Variants in ELOA2 observed in about 807,000 individuals in gnomAD.
ELOA2 encodes the protein elongin-A2.
For synonymous variants in ELOA2, 497 were observed against 398.8 expected (o/e 1.25, Z -2.94); for missense variants, 1,271 against 979.7 (o/e 1.30, Z -3.97).
At position 47,033,572 on chromosome 18, in the gene ELOA2, C is replaced by A. The variant is rs536656582; in HGVS notation, c.1693G>T (p.Asp565Tyr). ...TCTTTCTTTCTGCGATACAGCTGAT[C>A]GGGCCTCCACCCTTCCAGAACAGGT... ...LEPVLEGWRP[D>Y]QLYRRKKDNH... is the part of the protein sequence containing the mutation. Residue 565 changes from aspartate to tyrosine, a missense_variant, in exon 1 of 1, where the codon GAT becomes TAT. Asp to Tyr is a radical substitution (Grantham distance 160, BLOSUM62 -3). Coordinates refer to ENST00000332567, the MANE Select transcript of ELOA2 (RefSeq NM_016427.3). 6.2e-6 allele frequency: 10 copies of A among 1,614,198 alleles called. No individual in the cohort carries two copies. The South Asian group carries it at 7.7e-5, about 12-fold the overall frequency.
chr18:47,035,096 G>T lies in ELOA2; in HGVS notation c.169C>A (p.Arg57=), dbSNP rs767426854. 3.7e-6 allele frequency: 6 copies of T among 1,610,884 alleles called. No homozygotes were observed. In the South Asian group the frequency reaches 5.5e-5, roughly 15 times the overall value. Residue 57 remains arginine (R), a synonymous_variant, in exon 1 of 1, where the codon CGG becomes AGG. Transcript: ENST00000332567. The part of the protein sequence containing the change: ...TGIRKTVKRL[R]KHQHVGDFAR... The stretch of plus-strand genomic sequence containing the variant: ...AAGTCGCCCACGTGCTGGTGCTTCC[G>T]CAGGCGCTTCACCGTCTTTCTGATT...
In ELOA2 at chr18:47,033,870, G is replaced by A. The variant is rs1375431199; in HGVS notation, c.1395C>T (p.Leu465=). ...PSHVFSELWD[L]SEAWMQANYD... is the part of the protein sequence containing the mutation. ...AGTTGGCCTGCATCCAGGCCTCTGA[G>A]AGGTCCCAGAGCTCTGAGAAGACAT... is the stretch of plus-strand genomic sequence containing the variant. The change falls in exon 1 of 1, where the codon CTC becomes CTT. Residue 465 remains leucine, a synonymous_variant. Coordinates refer to ENST00000332567, the MANE Select transcript of ELOA2 (RefSeq NM_016427.3). 1 of 1,613,860 alleles carries A rather than the reference G, an allele frequency of 6.2e-7. No individual in the cohort carries two copies. Among genetic ancestry groups the A allele is most frequent in the African/African-American group, 1.3e-5 (1 of 74,944 alleles).
Position 47,035,288 on chromosome 18 carries a change from G to T in ELOA2, c.-24C>A, listed in dbSNP as rs192207549. ...ATCTCACCAGAGCTGTGCAGGCGTCGCTGTCCCGGCGGTCGCAGCTCTGTC... is the reference window on the plus strand; with the variant it reads ...ATCTCACCAGAGCTGTGCAGGCGTCTCTGTCCCGGCGGTCGCAGCTCTGTC... On this transcript the variant is annotated 5_prime_UTR_variant, in exon 1 of 1. Transcript: ENST00000332567. The T allele has an allele frequency of 3.7e-6, 6 of 1,611,916 alleles. No homozygotes were observed. In the Admixed American group the frequency reaches 8.3e-5, roughly 22 times the overall value.
In ELOA2 at chr18:47,034,687, G is replaced by T; in HGVS notation, c.578C>A (p.Pro193His). ...AGCCGCGTGAGTGTGGCCTCTTCCG[G>T]GTTGCTTCCCGGGCGCAGCGGGCTC... is the stretch of plus-strand genomic sequence containing the variant. ...GPEPAAPGKQ[P>H]GRGHTHAAQG... The change falls in exon 1 of 1, where the codon CCC becomes CAC. Residue 193 changes from proline to histidine, a missense_variant. Pro to His is a moderately conservative substitution (Grantham distance 77). Transcript: ENST00000332567. 6.2e-7 allele frequency: 1 copy of T among 1,613,348 alleles called. No homozygotes were observed. The highest frequency in any genetic ancestry group is 8.5e-7 in the Non-Finnish European group (1 of 1,179,936).
Position 47,033,179 on chromosome 18 carries a change from C to T in ELOA2, c.2086G>A (p.Asp696Asn), listed in dbSNP as rs750279246. The change falls in exon 1 of 1, where the codon GAC (aspartate) becomes AAC (asparagine). Residue 696 changes from aspartate (D) to asparagine (N), a missense_variant. Asp to Asn is a conservative substitution (Grantham distance 23). Transcript: ENST00000332567. ...SSQSSSGGGRDSSSSILRWLP... is the reference protein window; with the variant it reads ...SSQSSSGGGRNSSSSILRWLP... The stretch of plus-strand genomic sequence containing the variant: ...CAGCGAAGGATGCTGCTGCTGCTGT[C>T]TCTGCCACCGCCGCTGCTGCTCTGG... 3 of 1,613,966 alleles carry T rather than the reference C, an allele frequency of 1.9e-6. No homozygotes were observed. The highest frequency in any genetic ancestry group is 1.7e-5 in the Admixed American group (1 of 60,010).
Position 47,033,850 on chromosome 18 carries a change from G to A in ELOA2, c.1415C>T (p.Ala472Val), listed in dbSNP as rs750264205. 3 of 1,614,086 alleles carry A rather than the reference G, an allele frequency of 1.9e-6. No individual in the cohort carries two copies. The highest frequency in any genetic ancestry group is 2.2e-5 in the East Asian group (1 of 44,876). Reference sequence around the variant, plus strand: ...AGAATCCGAAAGCGGATCGTAGTTGGCCTGCATCCAGGCCTCTGAGAGGTC... The same window carrying A: ...AGAATCCGAAAGCGGATCGTAGTTGACCTGCATCCAGGCCTCTGAGAGGTC... ...LWDLSEAWMQ[A>V]NYDPLSDSDS... Residue 472 changes from alanine (A) to valine (V), a missense_variant, in exon 1 of 1, where the codon GCC (alanine) becomes GTC (valine). Physicochemically the swap from Ala to Val is moderately conservative, Grantham distance 64. Transcript: ENST00000332567.
Position 47,033,385 on chromosome 18 carries a change from C to T in ELOA2, c.1880G>A (p.Arg627Gln). 6.2e-7 allele frequency: 1 copy of T among 1,614,150 alleles called. No homozygotes were observed. Among genetic ancestry groups the T allele is most frequent in the Non-Finnish European group, 8.5e-7 (1 of 1,180,030 alleles). Residue 627 changes from arginine (R) to glutamine (Q), a missense_variant, in exon 1 of 1, where the codon CGA becomes CAA. By Grantham distance (43) the Arg-to-Gln change is conservative. Coordinates refer to ENST00000332567, the MANE Select transcript of ELOA2 (RefSeq NM_016427.3). The stretch of plus-strand genomic sequence containing the variant: ...GTTGGGGTTGTTTCCACGTGCAGAT[C>T]GGATATTCGTTGTCATTACTCTCAG... ...QRLRVMTTNIRSARGNNPNGR... is the reference protein window; with the variant it reads ...QRLRVMTTNIQSARGNNPNGR...
Position 47,034,815 on chromosome 18 carries a change from C to T in ELOA2, c.450G>A (p.Glu150=). The T allele has an allele frequency of 1.9e-6, 3 of 1,612,176 alleles. No homozygotes were observed. Among genetic ancestry groups the T allele is most frequent in the Non-Finnish European group, 2.5e-6 (3 of 1,179,702 alleles). The change falls in exon 1 of 1, where the codon GAG becomes GAA. Residue 150 remains glutamate (E), a synonymous_variant. Transcript: ENST00000332567. ...TGGGGCACTTTCTCTCAGCTCTGGGCTCGCGACTGTGAGACCTCGGGTGAG... is the reference window on the plus strand; with the variant it reads ...TGGGGCACTTTCTCTCAGCTCTGGGTTCGCGACTGTGAGACCTCGGGTGAG... ...QRPHPRSHSR[E]PRAERKCPRI...
At chr18:47,033,097 GGC>G in the ELOA2 span, 1 of 1,614,108 alleles carries the variant, frequency 6.2e-7, no homozygotes, top group East Asian at 2.2e-5. Flanking sequence ...TTTGGCCGCG[GGC>G]GCCGCGTGCT....
At position 47,033,241 on chromosome 18, in the gene ELOA2, G is replaced by C; in HGVS notation, c.2024C>G (p.Ala675Gly). Reference protein sequence around the residue: ...ADPENGEIKPASKPAGSSHTP... With the variant: ...ADPENGEIKPGSKPAGSSHTP... Reference sequence around the variant, plus strand: ...GTGGCTGCTTCCCGCGGGCTTGGAGGCTGGCTTGATCTCCCCATTTTCGGG... The same window carrying C: ...GTGGCTGCTTCCCGCGGGCTTGGAGCCTGGCTTGATCTCCCCATTTTCGGG... The change falls in exon 1 of 1, where the codon GCC becomes GGC. Residue 675 changes from alanine to glycine, a missense_variant. By Grantham distance (60) the Ala-to-Gly change is moderately conservative (BLOSUM62 0). Transcript: ENST00000332567. 1 of 1,613,792 alleles carries C rather than the reference G, an allele frequency of 6.2e-7. No homozygotes were observed. The highest frequency in any genetic ancestry group is 8.5e-7 in the Non-Finnish European group (1 of 1,180,046).
At chr18:47,033,453 C>T in the ELOA2 span, 10 of 1,613,872 alleles carry the variant, frequency 6.2e-6, no homozygotes, top group African/African-American at 6.7e-5. Context: ...ACTGCTCCCT[C>T]CAAGTTTTGT....
chr18:47,034,739 C>T lies in ELOA2; in HGVS notation c.526G>A (p.Ala176Thr), dbSNP rs144690057. 2.3e-3 allele frequency: 3,760 copies of T among 1,612,928 alleles called. 80 individuals carry two copies. The African/African-American group carries it at 0.046, about 20-fold the overall frequency. Reference protein sequence around the residue: ...GRYRASPTRTAPLRMPEGPEP... With the variant: ...GRYRASPTRTTPLRMPEGPEP... ...GGGCCCTCGGGCATCCGGAGGGGAG[C>T]TGTGCGCGTTGGAGAGGCCCGATAG... The change falls in exon 1 of 1, where the codon GCT becomes ACT. Residue 176 changes from alanine (A) to threonine (T), a missense_variant. Transcript: ENST00000332567.
Position 47,035,490 on chromosome 18 carries a change from G to A in ELOA2, c.-226C>T. On this transcript the variant is annotated 5_prime_UTR_variant, in exon 1 of 1. An upstream open reading frame in the 5' UTR gains an earlier in-frame stop. Coordinates refer to ENST00000332567, the MANE Select transcript of ELOA2 (RefSeq NM_016427.3). ...CTGAGCAGGCCCGCTTTTGTTCCTC[G>A]GGATGTGGAGCCACAGCCTGGAGTG... 3 of 900,918 alleles carry A rather than the reference G, an allele frequency of 3.3e-6. No homozygotes were observed. Among genetic ancestry groups the A allele is most frequent in the Middle Eastern group, 3.5e-4 (1 of 2,878 alleles). The allele number at this position is 900,918 out of a possible 1,614,324, so 55.8% of individuals were successfully genotyped here.
In ELOA2 at chr18:47,033,352, T is replaced by C. The variant is rs781087086; in HGVS notation, c.1913A>G (p.Glu638Gly). The C allele has an allele frequency of 5.6e-6, 9 of 1,613,996 alleles. No individual in the cohort carries two copies. The South Asian group carries it at 9.9e-5, about 18-fold the overall frequency. ...SARGNNPNGR[E>G]AKMICFKSVA... is the part of the protein sequence containing the mutation. ...AGATTTGAAACAGATCATCTTTGCC[T>C]CTCTGCCGTTGGGGTTGTTTCCACG... The change falls in exon 1 of 1, where the codon GAG becomes GGG. Residue 638 changes from glutamate (E) to glycine (G), a missense_variant. By Grantham distance (98) the Glu-to-Gly change is moderately conservative. Transcript: ENST00000332567.
In ELOA2 at chr18:47,035,605, C is replaced by G. The variant is rs1221715239; in HGVS notation, c.-341G>C. 2.0e-6 allele frequency: 1 copy of G among 508,030 alleles called. No homozygotes were observed. The highest frequency in any genetic ancestry group is 3.8e-5 in the East Asian group (1 of 26,104). The allele number at this position is 508,030 out of a possible 1,614,324, so 31.5% of individuals were successfully genotyped here. On this transcript the variant is annotated 5_prime_UTR_variant, in exon 1 of 1. Transcript: ENST00000332567. ...CCATCCCAGGCTGACACTCACGGCT[C>G]TAGCCCTGACCCTCTTAGCTCTTGG... is the stretch of plus-strand genomic sequence containing the variant.
rs1278461823 is a variant in ELOA2 at position 47,034,966 on chromosome 18, C to T, written c.299G>A (p.Gly100Glu). Residue 100 changes from glycine (G) to glutamate (E), a missense_variant, in exon 1 of 1, where the codon GGG becomes GAG. Transcript: ENST00000332567. ...PEESASRQRF[G>E]EALQDQEKAW... ...CTTTTCCTGGTCCTGAAGAGCCTCC[C>T]CGAAGCGCTGTCGGGAAGCGCTCTC... 1.2e-6 allele frequency: 2 copies of T among 1,611,598 alleles called. No homozygotes were observed. The highest frequency in any genetic ancestry group is 1.3e-5 in the African/African-American group (1 of 74,830).
rs569171844 is a variant in ELOA2 at position 47,034,394 on chromosome 18, C to T, written c.871G>A (p.Gly291Ser). 50 of 1,614,026 alleles carry T rather than the reference C, an allele frequency of 3.1e-5. No homozygotes were observed. The East Asian group carries it at 3.6e-4, about 12-fold the overall frequency. The change falls in exon 1 of 1, where the codon GGC (glycine) becomes AGC (serine). Residue 291 changes from glycine (G) to serine (S), a missense_variant. Coordinates refer to ENST00000332567, the MANE Select transcript of ELOA2 (RefSeq NM_016427.3). Reference sequence around the variant, plus strand: ...TCCTCCAAGGCAGGGACACGCTGGCCGCTGCCAGCTTGCCCCCCTTCCTTG... The same window carrying T: ...TCCTCCAAGGCAGGGACACGCTGGCTGCTGCCAGCTTGCCCCCCTTCCTTG... ...TDKEGGQAGS[G>S]QRVPALEEAP...
rs1203460554 is a variant in ELOA2 at position 47,032,776 on chromosome 18, G to C, written c.*227C>G. The C allele has an allele frequency of 2.8e-6, 2 of 721,484 alleles. No homozygotes were observed. Among genetic ancestry groups the C allele is most frequent in the Non-Finnish European group, 4.5e-6 (2 of 446,806 alleles). The allele number at this position is 721,484 out of a possible 1,614,324, so 44.7% of individuals were successfully genotyped here. On this transcript the variant is annotated 3_prime_UTR_variant, in exon 1 of 1. Transcript: ENST00000332567. ...CATCCAAAATAGAATTGTTCCCAAT[G>C]CGTTCATATCTTCTGAATTCTGAGG...
the ELOA2 span, chr18:47,033,579 C>T: frequency 1.9e-6 from 3 of 1,614,072 alleles, no homozygotes; most frequent in East Asian, 6.7e-5. Context: ...GATCGGGCCT[C>T]CACCCTTCCA....
Sources: allele counts gnomAD v4.1 joint callset, GRCh38; gene constraint gnomAD v4.1.1; transcripts MANE v1.5; gene names NCBI Gene and HGNC (gene_info 2026-07-23, HGNC 2026-07-21).